The following DYNC1LI2 variants were observed in gnomAD, a reference collection of about 807,000 sequenced individuals.
DYNC1LI2 encodes the protein cytoplasmic dynein 1 light intermediate chain 2.
Under a neutral mutation model 57.8 loss-of-function variants are expected in DYNC1LI2, and 19 were observed. That is an observed-to-expected ratio of 0.33 (90% CI 0.23 to 0.48). The LOEUF (loss-of-function observed/expected upper bound fraction) is 0.48, where lower values mean the gene tolerates loss of function less well. Among genes scored for constraint, DYNC1LI2 ranks in the 20% least tolerant of loss-of-function variants. The pLI, the probability that DYNC1LI2 is intolerant of heterozygous loss-of-function variation, is 0.99. For missense variants in DYNC1LI2, 470 were observed against 604.2 expected (o/e 0.78, Z 2.33); for synonymous variants, 256 against 233.4 (o/e 1.10, Z -0.88).
At chr16:66,730,028 G>A (rs1044836021) in intron 8 of DYNC1LI2, 84 bp downstream of exon 8, 30 of 1,179,712 alleles carry the variant, frequency 2.5e-5, no homozygotes, top group South Asian at 2.9e-5. Context: ...TGATCTGCCC[G>A]CTTTGGCCTC....
chr16:66,740,624 A>G (rs573079202), intron 4 of DYNC1LI2, among the ~76,000 whole-genome samples: 9 of 152,184 alleles, frequency 5.9e-5, no homozygotes, highest in Non-Finnish European at 1.3e-4. Context: ...TTTAGAACAC[A>G]TGGCAACCCA....
intron 2 of DYNC1LI2, 25 bp from the exon 3 acceptor site, chr16:66,749,338 AG>A (rs755308893): frequency 6.2e-7 from 1 of 1,609,446 alleles, no homozygotes; most frequent in Admixed American, 1.7e-5. Flanking sequence ...TGCAAGACAA[AG>A]GTGTACTGTT....
intron 9 of DYNC1LI2, 147 bp downstream of exon 9, chr16:66,728,893 A>C (rs2017583373): frequency 1.3e-6 from 1 of 787,680 alleles, no homozygotes; most frequent in African/African-American, 1.7e-5. Context: ...CCTAGAAATA[A>C]GGAGGGAATG....
At chr16:66,725,042 C>T (rs1029624054) in intron 12 of DYNC1LI2, among the ~76,000 whole-genome samples, 14 of 151,746 alleles carry the variant, frequency 9.2e-5, no homozygotes, top group Admixed American at 3.9e-4. Context: ...GATGTGGTGG[C>T]GCGTGCCTGT....
intron 2 of DYNC1LI2, among the ~76,000 whole-genome samples, chr16:66,749,636 G>T (rs996955296): frequency 7.9e-5 from 12 of 152,110 alleles, no homozygotes; most frequent in Non-Finnish European, 2.9e-5. Context: ...AAAGTAAAAG[G>T]TAGGGTTAGT....
intron 11 of DYNC1LI2, among the ~76,000 whole-genome samples, chr16:66,727,358 G>C (rs1188791225): frequency 1.3e-5 from 2 of 152,192 alleles, no homozygotes; most frequent in Non-Finnish European, 2.9e-5. Context: ...TGTGCCACAG[G>C]CTGGGTGACA....
rs1463465271 is a variant in DYNC1LI2 at position 66,736,064 on chromosome 16, CT to C, written c.699+10del. On this transcript the variant is annotated intron_variant, in intron 5 of 12. Transcript: ENST00000258198. ...CGAACCCAGCCAAGCCAACAACCCCCTGGCACACACCTTTGTGCACACCACC... is the reference window on the plus strand; with the variant it reads ...CGAACCCAGCCAAGCCAACAACCCCCGGCACACACCTTTGTGCACACCACC... 2 of 1,611,144 alleles carry C rather than the reference CT, an allele frequency of 1.2e-6. No individual in the cohort carries two copies. The highest frequency in any genetic ancestry group is 8.5e-7 in the Non-Finnish European group (1 of 1,177,614).
intron 7 of DYNC1LI2, chr16:66,731,697 A>T (rs1203397214): frequency 1.3e-5 from 2 of 152,306 alleles, no homozygotes; most frequent in Non-Finnish European, 2.9e-5. Flanking sequence ...TTCCTGAATG[A>T]ATAATGTAAT....
intron 2 of DYNC1LI2, among the ~76,000 whole-genome samples, chr16:66,750,639 A>G (rs2018026704): frequency 1.3e-5 from 2 of 152,160 alleles, no homozygotes; most frequent in African/African-American, 4.8e-5. Context: ...AGATTCTTCT[A>G]TAGTGTTTAA....
intron 4 of DYNC1LI2, among the ~76,000 whole-genome samples, chr16:66,741,854 G>A (rs2017842898): frequency 6.8e-6 from 1 of 148,040 alleles, no homozygotes; most frequent in Non-Finnish European, 1.5e-5. Flanking sequence ...TGTCAAAAGG[G>A]CTTGGATGTC....
intron 9 of DYNC1LI2, among the ~76,000 whole-genome samples, chr16:66,728,509 AAG>A (rs1420868657): frequency 6.6e-6 from 1 of 152,220 alleles, no homozygotes; most frequent in African/African-American, 2.4e-5. Context: ...CAGTTGGAAA[AAG>A]AACCATCAAA....
intron 3 of DYNC1LI2, 34 bp downstream of exon 3, chr16:66,749,163 C>T (rs987575351): frequency 6.2e-7 from 1 of 1,606,002 alleles, no homozygotes; most frequent in Non-Finnish European, 8.5e-7. Flanking sequence ...GTCCTGCATA[C>T]ACCCCCTTAC....
At chr16:66,744,061 G>C (rs962345623) in intron 3 of DYNC1LI2, among the ~76,000 whole-genome samples, 3 of 152,080 alleles carry the variant, frequency 2.0e-5, no homozygotes, top group Non-Finnish European at 4.4e-5. Flanking sequence ...TCAAGAACTG[G>C]TTATGTATGT....
At position 66,723,447 on chromosome 16, in the gene DYNC1LI2, C is replaced by T. The variant is rs1222263984; in HGVS notation, c.*275G>A. On this transcript the variant is annotated 3_prime_UTR_variant, in exon 13 of 13. Coordinates refer to ENST00000258198, the MANE Select transcript of DYNC1LI2 (RefSeq NM_006141.3). ...GGCCCTCTTTCTTTCACTCTACCTTCCCCTCCACAAGAAGCCCAGATGTGC... is the reference window on the plus strand; with the variant it reads ...GGCCCTCTTTCTTTCACTCTACCTTTCCCTCCACAAGAAGCCCAGATGTGC... The T allele has an allele frequency of 1.8e-6, 1 of 557,114 alleles. No homozygotes were observed. The highest frequency in any genetic ancestry group is 3.4e-6 in the Non-Finnish European group (1 of 293,606). 34.5% of individuals were successfully genotyped at this position (557,114 alleles called of 1,614,324 possible). A position where few individuals can be genotyped will look rare whatever the true frequency, so the allele number is the denominator to read the frequency against.
chr16:66,727,839 C>T (rs376571933), intron 10 of DYNC1LI2, 34 bp from the exon 11 acceptor site: 4 of 1,554,202 alleles, frequency 2.6e-6, no homozygotes, highest in African/African-American at 2.8e-5. Context: ...CACACACAGG[C>T]ATAACAATAA....
At chr16:66,731,828 GAC>G (rs1242114549) in intron 7 of DYNC1LI2, 2 of 152,614 alleles carry the variant, frequency 1.3e-5, no homozygotes, top group Non-Finnish European at 2.9e-5. Context: ...GTGAGAGAAA[GAC>G]ACCAGCTTAG....
intron 8 of DYNC1LI2, 30 bp from the exon 9 acceptor site, chr16:66,729,129 C>A (rs751161555): frequency 3.7e-6 from 6 of 1,613,288 alleles, no homozygotes; most frequent in Non-Finnish European, 5.1e-6. Context: ...TTTGTGGCCA[C>A]AGGCCAAGAA....
Position 66,749,190 on chromosome 16 carries a change from C to CT in DYNC1LI2, c.298+6_298+7insA. The stretch of plus-strand genomic sequence containing the variant: ...CCCCCTTACCATGGGACCAATGCTT[C>CT]ACTCACCATCTCGGTCCTCATCATG... On this transcript the variant is annotated splice_region_variant and intron_variant, in intron 3 of 12. Transcript: ENST00000258198. The CT allele has an allele frequency of 6.2e-7, 1 of 1,613,886 alleles. No individual in the cohort carries two copies. Among genetic ancestry groups the CT allele is most frequent in the Non-Finnish European group, 8.5e-7 (1 of 1,179,728 alleles).
At chr16:66,739,505 A>T (rs1362336640) in intron 4 of DYNC1LI2, among the ~76,000 whole-genome samples, 1 of 152,184 alleles carries the variant, frequency 6.6e-6, no homozygotes, top group African/African-American at 2.4e-5. Flanking sequence ...GCAGTGGCAC[A>T]ATCATGGCTC....
Sources: gnomAD v4.1 joint callset for allele counts (sites outside exome capture counted in the v4.1 genomes callset) on GRCh38, gnomAD v4.1.1 for gene constraint, MANE v1.5 for transcripts, NCBI Gene and HGNC (gene_info 2026-07-23, HGNC 2026-07-21) for gene names.